NCAPD3: variants seen among roughly 807,000 people sequenced by gnomAD.
The protein encoded by NCAPD3 is condensin-2 complex subunit D3.
In NCAPD3, 105 loss-of-function variants were observed where a neutral mutation model predicts 182.9. The ratio of observed to expected loss-of-function variants is 0.57; its 90% CI spans 0.49 to 0.68. The LOEUF (loss-of-function observed/expected upper bound fraction) is 0.68. Ranked by LOEUF, NCAPD3 falls within the 30% of genes least tolerant of loss-of-function variation. The pLI, the probability that NCAPD3 is intolerant of heterozygous loss-of-function variation, is 0.00. For synonymous variants in NCAPD3, 815 were observed against 679.9 expected (o/e 1.20, Z -3.09); for missense variants, 1,944 against 1,837.0 (o/e 1.06, Z -1.07).
chr11:134,176,465 CCA>C (rs1944168931), intron 23 of NCAPD3, 79 bp from the exon 24 acceptor site: 1 of 1,215,638 alleles, frequency 8.2e-7, no homozygotes, highest in African/African-American at 1.5e-5. Context: ...ACCCCACCCA[CCA>C]CGCGGTCTGT....
chr11:134,157,240 GAAATACAAAT>G, intron 31 of NCAPD3, 145 bp from the exon 32 acceptor site: 1 of 563,450 alleles, frequency 1.8e-6, no homozygotes, highest in Non-Finnish European at 3.1e-6. Flanking sequence ...AATTCAGGAA[GAAATACAAAT>G]AAATGATAAA....
rs932539577 is a variant in NCAPD3, at chr11:134,194,699, T to G, written c.1655A>C (p.Asp552Ala). 9 of 1,610,074 alleles carry G rather than the reference T, an allele frequency of 5.6e-6. No individual in the cohort carries two copies. The highest frequency in any genetic ancestry group is 7.6e-6 in the Non-Finnish European group (9 of 1,178,168). The change falls in exon 14 of 35, where the codon GAT becomes GCT. Residue 552 changes from aspartate to alanine, a missense_variant. Asp to Ala is a moderately radical substitution (Grantham distance 126). Coordinates refer to ENST00000534548, the MANE Select transcript of NCAPD3 (RefSeq NM_015261.3). ...VMAMLRRRIR[D>A]EKTNVRKSAL... ...AGACTTCCTAACGTTGGTCTTCTCA[T>G]CCCTGATCCTCCTTCTCAGCATTGC... is the stretch of plus-strand genomic sequence containing the variant.
rs1053021733 is a variant in NCAPD3 at position 134,157,845 on chromosome 11, C to T, written c.4174+83G>A. 5 of 1,409,406 alleles carry T rather than the reference C, an allele frequency of 3.5e-6. No individual in the cohort carries two copies. The South Asian group carries it at 4.6e-5, about 13-fold the overall frequency. The allele number at this position is 1,409,406 out of a possible 1,614,324, so 87.3% of individuals were successfully genotyped here. A position where few individuals can be genotyped will look rare whatever the true frequency, so the allele number is the denominator to read the frequency against. The stretch of plus-strand genomic sequence containing the variant: ...GTTTTAAAGATAAGAAAACACACCG[C>T]TTTGAAAGGAATAAGAAGTAGCTTG... On this transcript the variant is annotated intron_variant, in intron 31 of 34. Coordinates refer to ENST00000534548, the MANE Select transcript of NCAPD3 (RefSeq NM_015261.3).
At chr11:134,195,361 A>G (rs1184776298) in intron 13 of NCAPD3, among the ~76,000 whole-genome samples, 1 of 152,130 alleles carries the variant, frequency 6.6e-6, no homozygotes, top group Non-Finnish European at 1.5e-5. Context: ...AGCCTCCCAA[A>G]GCAGTGAAAT....
intron 32 of NCAPD3, among the ~76,000 whole-genome samples, chr11:134,154,989 G>A (rs1565513991): frequency 1.3e-5 from 2 of 152,236 alleles, no homozygotes; most frequent in East Asian, 1.9e-4. Flanking sequence ...TGCTCTTCCT[G>A]TTTGGAAGCC....
intron 31 of NCAPD3, 61 bp downstream of exon 31, chr11:134,157,867 C>G: frequency 1.3e-6 from 2 of 1,519,094 alleles, no homozygotes; most frequent in Non-Finnish European, 1.8e-6. Context: ...TAAGAAGTAG[C>G]TTGTTCTGTG....
chr11:134,200,012 A>G (rs1944717709), intron 13 of NCAPD3, among the ~76,000 whole-genome samples: 1 of 152,214 alleles, frequency 6.6e-6, no homozygotes, highest in Non-Finnish European at 1.5e-5. Flanking sequence ...AACAGGCTGA[A>G]AGAAACAGTG....
At position 134,185,335 on chromosome 11, in the gene NCAPD3, C is replaced by T; in HGVS notation, c.2237G>A (p.Ser746Asn). The change falls in exon 17 of 35, where the codon AGT (serine) becomes AAT (asparagine). Residue 746 changes from serine (S) to asparagine (N), a missense_variant and splice_region_variant. Physicochemically the swap from Ser to Asn is conservative, Grantham distance 46. Coordinates refer to ENST00000534548, the MANE Select transcript of NCAPD3 (RefSeq NM_015261.3). ...ACTGGTTAAATTAGAAGATACAAACCTGCTGATTTTCTCCCAAGATTGTAT... is the reference window on the plus strand; with the variant it reads ...ACTGGTTAAATTAGAAGATACAAACTTGCTGATTTTCTCCCAAGATTGTAT... Reference protein sequence around the residue: ...RIIQSWEKISSQQNPNSNTLG... With the variant: ...RIIQSWEKISNQQNPNSNTLG... 1.2e-6 allele frequency: 2 copies of T among 1,600,822 alleles called. No homozygotes were observed. Among genetic ancestry groups the T allele is most frequent in the Non-Finnish European group, 1.7e-6 (2 of 1,174,208 alleles).
intron 27 of NCAPD3, among the ~76,000 whole-genome samples, chr11:134,163,889 AAAAG>A (rs1208289680): frequency 1.3e-5 from 2 of 150,026 alleles, no homozygotes; most frequent in African/African-American, 4.9e-5. Flanking sequence ...AAAAAAAAAA[AAAAG>A]AAAAAGAAAG....
In NCAPD3 at chr11:134,181,189, G is replaced by A. The variant is rs376553288; in HGVS notation, c.2452-5C>T. 23 of 1,609,032 alleles carry A rather than the reference G, an allele frequency of 1.4e-5. No individual in the cohort carries two copies. In the African/African-American group the frequency reaches 1.5e-4, roughly 10 times the overall value. Reference sequence around the variant, plus strand: ...ACACACCTGCGTCAGCAATTCCTACGGCAAGTCAAAAGTCATCTCTGAAGG... The same window carrying A: ...ACACACCTGCGTCAGCAATTCCTACAGCAAGTCAAAAGTCATCTCTGAAGG... On this transcript the variant is annotated splice_polypyrimidine_tract_variant and splice_region_variant and intron_variant, in intron 19 of 34. Transcript: ENST00000534548.
chr11:134,194,155 A>G lies in NCAPD3; in HGVS notation c.1690-5T>C. 6.2e-7 allele frequency: 1 copy of G among 1,613,596 alleles called. No individual in the cohort carries two copies. Among genetic ancestry groups the G allele is most frequent in the Non-Finnish European group, 8.5e-7 (1 of 1,179,770 alleles). ...TTTCAAAATACTCACTAATACCTAG[A>G]AGGCATAGACGCAACATGAACTGTT... On this transcript the variant is annotated splice_region_variant and splice_polypyrimidine_tract_variant and intron_variant, in intron 14 of 34. Transcript: ENST00000534548.
Position 134,202,258 on chromosome 11 carries a change from C to T in NCAPD3, c.1615+558G>A, listed in dbSNP as rs115910043. Among the ~76,000 whole-genome samples the T allele has an allele frequency of 7.9e-3, 1,203 of 152,306 alleles. 12 individuals carry two copies. Among genetic ancestry groups the T allele is most frequent in the African/African-American group, 0.028 (1,160 of 41,560 alleles). On this transcript the variant is annotated intron_variant, in intron 13 of 34. Transcript: ENST00000534548. Reference sequence around the variant, plus strand: ...CTTTCTTAAATGTTGTTTCTACAGACTTTCCCAACAGTCGTCTGGGAAAGA... The same window carrying T: ...CTTTCTTAAATGTTGTTTCTACAGATTTTCCCAACAGTCGTCTGGGAAAGA...
At chr11:134,165,817 GAT>G (rs1943767401) in intron 27 of NCAPD3, among the ~76,000 whole-genome samples, 1 of 145,880 alleles carries the variant, frequency 6.9e-6, no homozygotes, top group Non-Finnish European at 1.5e-5. Flanking sequence ...TCACTTGTGA[GAT>G]GAGCTTGGGG....
chr11:134,160,951 T>TC (rs1943560307), intron 28 of NCAPD3, among the ~76,000 whole-genome samples: 1 of 151,896 alleles, frequency 6.6e-6, no homozygotes, highest in Admixed American at 6.5e-5. Flanking sequence ...GTTTTTGTTT[T>TC]TTTTTTTCCT....
chr11:134,209,167 C>G lies in NCAPD3; in HGVS notation c.772G>C (p.Glu258Gln), dbSNP rs774146671. 9.3e-6 allele frequency: 15 copies of G among 1,613,556 alleles called. No individual in the cohort carries two copies. The South Asian group carries it at 1.2e-4, about 13-fold the overall frequency. ...CACCTGGCTTGTGTAACATGACATT[C>G]ATGAAGAACTGGCTCAAAATTAGTT... ...SLTNFEPVLH[E>Q]CHVTQARALN... is the part of the protein sequence containing the mutation. The change falls in exon 6 of 35, where the codon GAA (glutamate) becomes CAA (glutamine). Residue 258 changes from glutamate (E) to glutamine (Q), a missense_variant. Around this residue, in one of 3 missense-constraint regions of NCAPD3, gnomAD observed 1,803 missense variants for 1,674.6 expected, o/e 1.08. Transcript: ENST00000534548.
In NCAPD3 at chr11:134,151,912, G is replaced by A. The variant is rs1943250091; in HGVS notation, c.*1032C>T. On this transcript the variant is annotated 3_prime_UTR_variant, in exon 35 of 35. Transcript: ENST00000534548. The stretch of plus-strand genomic sequence containing the variant: ...GTCAGCCTGTGTGCTCAAGAGCAGT[G>A]CTGCGCCTCTCCGCCACCGAGCCCA... 1 of 152,298 alleles carries A rather than the reference G, an allele frequency of 6.6e-6. No individual in the cohort carries two copies. The highest frequency in any genetic ancestry group is 2.1e-4 in the South Asian group (1 of 4,828). 9.4% of individuals were successfully genotyped at this position (152,298 alleles called of 1,614,324 possible). A position where few individuals can be genotyped will look rare whatever the true frequency, so the allele number is the denominator to read the frequency against.
intron 20 of NCAPD3, 119 bp from the exon 21 acceptor site, chr11:134,179,055 A>G: frequency 1.4e-6 from 1 of 689,870 alleles, no homozygotes; most frequent in South Asian, 2.0e-5. Flanking sequence ...CAATGTTACT[A>G]GTTTTCGTTT....
intron 22 of NCAPD3, chr11:134,177,765 C>G (rs1944205610): frequency 2.8e-6 from 1 of 358,808 alleles, no homozygotes; most frequent in African/African-American, 2.1e-5. Flanking sequence ...GGAAAATGAT[C>G]AGCAAAGCCT....
At chr11:134,225,036 G>C, upstream of NCAPD3, 3 of 1,304,844 alleles carry the variant, frequency 2.3e-6, no homozygotes, top group Non-Finnish European at 3.0e-6. Flanking sequence ...TCGCGCATCG[G>C]GCCCTCTGGC....
Sources: gnomAD v4.1 joint callset for allele counts (sites outside exome capture counted in the v4.1 genomes callset) on GRCh38, gnomAD v4.1.1 for gene constraint, gnomAD v4.1.1 regional missense constraint, MANE v1.5 for transcripts, NCBI Gene and HGNC (gene_info 2026-07-23, HGNC 2026-07-21) for gene names.